The following SPECC1L variants were observed in gnomAD, a reference collection of about 807,000 sequenced individuals.
SPECC1L encodes the protein cytospin-A.
SPECC1L carries 40 observed loss-of-function variants against 116.8 expected under a neutral mutation model. That is an observed-to-expected ratio of 0.34 (90% CI 0.27 to 0.45). The LOEUF (loss-of-function observed/expected upper bound fraction) is 0.45, where lower values mean the gene tolerates loss of function less well. Ranked by LOEUF, SPECC1L falls within the 20% of genes least tolerant of loss-of-function variation. The pLI is 1.00. For missense variants in SPECC1L, 1,110 were observed against 1,373.6 expected (o/e 0.81, Z 3.03); for synonymous variants, 504 against 500.6 (o/e 1.01, Z -0.09).
intron 14 of SPECC1L, among the ~76,000 whole-genome samples, chr22:24,372,332 AAG>A (rs1230631501): frequency 6.6e-5 from 10 of 152,356 alleles, no homozygotes; most frequent in African/African-American, 1.9e-4. Flanking sequence ...ACAACAAAAA[AAG>A]AGAATTTTAG....
At chr22:24,371,631 T>C (rs999283780) in intron 14 of SPECC1L, among the ~76,000 whole-genome samples, 1 of 152,008 alleles carries the variant, frequency 6.6e-6, no homozygotes, top group Non-Finnish European at 1.5e-5. Flanking sequence ...AATTAGAAAA[T>C]GCTCTGAGAA....
chr22:24,394,842 A>AT (rs1479461641), intron 14 of SPECC1L, among the ~76,000 whole-genome samples: 4 of 151,998 alleles, frequency 2.6e-5, no homozygotes, highest in African/African-American at 7.2e-5. Flanking sequence ...GTTTTGAGGG[A>AT]TTTTTTGAGA....
intron 11 of SPECC1L, among the ~76,000 whole-genome samples, chr22:24,361,593 T>C (rs185809485): frequency 6.6e-6 from 1 of 151,886 alleles, no homozygotes; most frequent in African/African-American, 2.4e-5. Context: ...CTCAAGAGTT[T>C]GAGACCAGCC....
chr22:24,343,439 A>C (rs1366654761), intron 10 of SPECC1L: 1 of 448,378 alleles, frequency 2.2e-6, no homozygotes, highest in Non-Finnish European at 4.5e-6. Context: ...AGAAGACAAC[A>C]AAATGGTTGT....
chr22:24,390,872 C>CTTTTTTTTTTTTTTTTTTTTTTTTT (rs1016008966), intron 14 of SPECC1L, among the ~76,000 whole-genome samples: 2 of 57,112 alleles, frequency 3.5e-5, no homozygotes, highest in African/African-American at 7.6e-5. Context: ...TTTTTCTTTT[C>CTTTTTTTTTTTTTTTTTTTTTTTTT]TTTTTTTTTT....
At chr22:24,282,866 C>G (rs1230009819) in intron 2 of SPECC1L, among the ~76,000 whole-genome samples, 1 of 150,176 alleles carries the variant, frequency 6.7e-6, no homozygotes, top group Admixed American at 6.6e-5. Flanking sequence ...CAACCTCTGC[C>G]TCCTGGGTGC....
At chr22:24,346,909 T>G (rs762699973) in intron 10 of SPECC1L, among the ~76,000 whole-genome samples, 177 bp from the exon 11 acceptor site, 1 of 152,190 alleles carries the variant, frequency 6.6e-6, no homozygotes, top group African/African-American at 2.4e-5. Context: ...AAAAGTCTAA[T>G]TTTTAAAAAA....
intron 14 of SPECC1L, among the ~76,000 whole-genome samples, chr22:24,405,542 C>T (rs528480133): frequency 1.4e-4 from 22 of 152,114 alleles, no homozygotes; most frequent in African/African-American, 5.3e-4. Context: ...AAACTAAACC[C>T]TAAAAATACC....
intron 1 of SPECC1L, among the ~76,000 whole-genome samples, chr22:24,272,770 A>C (rs1392022620): frequency 6.6e-6 from 1 of 152,142 alleles, no homozygotes; most frequent in Non-Finnish European, 1.5e-5. Context: ...TTGTGGGTAA[A>C]ATTGTTTCAA....
At chr22:24,307,896 G>A (rs1315051107) in intron 3 of SPECC1L, among the ~76,000 whole-genome samples, 1 of 150,934 alleles carries the variant, frequency 6.6e-6, no homozygotes. Context: ...TCCTCAATCT[G>A]TCTGGAAATA....
intron 14 of SPECC1L, among the ~76,000 whole-genome samples, chr22:24,373,118 A>C (rs1239967937): frequency 6.6e-6 from 1 of 152,220 alleles, no homozygotes; most frequent in Non-Finnish European, 1.5e-5. Context: ...GCTCAATGAA[A>C]TAAAAGAGGA....
intron 8 of SPECC1L, among the ~76,000 whole-genome samples, chr22:24,330,858 C>T (rs1369336656): frequency 6.6e-6 from 1 of 152,124 alleles, no homozygotes; most frequent in Non-Finnish European, 1.5e-5. Flanking sequence ...GTTTTCTCAT[C>T]TTTAAAATGA....
intron 14 of SPECC1L, among the ~76,000 whole-genome samples, chr22:24,401,620 C>G (rs146585030): frequency 2.5e-3 from 376 of 152,338 alleles, no homozygotes; most frequent in African/African-American, 8.4e-3. Flanking sequence ...GATTTTCCAG[C>G]ACTCAGGTTC....
intron 4 of SPECC1L, among the ~76,000 whole-genome samples, chr22:24,317,287 A>G (rs1247754864): frequency 1.1e-5 from 1 of 91,604 alleles, no homozygotes; most frequent in Non-Finnish European, 2.2e-5. Context: ...TCCCTCCCGG[A>G]CGGGGCGGCT....
chr22:24,395,120 G>A (rs186722783), intron 14 of SPECC1L, among the ~76,000 whole-genome samples: 3 of 152,244 alleles, frequency 2.0e-5, no homozygotes, highest in African/African-American at 2.4e-5. Flanking sequence ...GAGCCACAGC[G>A]CCTGGCCAGA....
At chr22:24,281,716 G>T (rs577016962) in intron 2 of SPECC1L, among the ~76,000 whole-genome samples, 6 of 152,270 alleles carry the variant, frequency 3.9e-5, no homozygotes, top group Admixed American at 3.3e-4. Context: ...TTCTGTCAAT[G>T]TTGTCTGTGA....
intron 14 of SPECC1L, among the ~76,000 whole-genome samples, chr22:24,383,403 C>A (rs1484961060): frequency 6.6e-6 from 1 of 151,856 alleles, no homozygotes; most frequent in African/African-American, 2.4e-5. Context: ...ATAGTGAGAC[C>A]CTGTCTCTAT....
At chr22:24,317,097 A>G (rs1463028742) in intron 4 of SPECC1L, among the ~76,000 whole-genome samples, 1 of 69,094 alleles carries the variant, frequency 1.4e-5, no homozygotes, top group African/African-American at 5.4e-5. Flanking sequence ...TGACCCCCCC[A>G]CCTCCCTCCT....
intron 4 of SPECC1L, among the ~76,000 whole-genome samples, chr22:24,318,790 A>G (rs571277688): frequency 1.3e-5 from 2 of 152,072 alleles, no homozygotes; most frequent in South Asian, 4.2e-4. Context: ...TTAGCTGGGT[A>G]TGGTGGCGTG....
Sources: allele counts gnomAD v4.1 joint callset (sites outside exome capture counted in the v4.1 genomes callset), GRCh38; gene constraint gnomAD v4.1.1; transcripts MANE v1.5; gene names NCBI Gene and HGNC (gene_info 2026-07-23, HGNC 2026-07-21).